The following PDE8B variants were observed in gnomAD, a reference collection of about 807,000 sequenced individuals.
PDE8B encodes phosphodiesterase 8B.
Under a neutral mutation model 101.3 loss-of-function variants are expected in PDE8B, and 26 were observed. The ratio of observed to expected loss-of-function variants is 0.26; its 90% confidence interval spans 0.19 to 0.36. PDE8B has a LOEUF of 0.36. PDE8B is among the 10% of genes least tolerant of loss of function. The pLI is 1.00. For missense variants in PDE8B, 810 were observed against 1,163.1 expected (o/e 0.70, Z 4.42); for synonymous variants, 424 against 429.3 (o/e 0.99, Z 0.15).
chr5:77,313,045 G>A (rs1024364302), intron 2 of PDE8B, among the ~76,000 whole-genome samples: 1 of 152,130 alleles, frequency 6.6e-6, no homozygotes, highest in Non-Finnish European at 1.5e-5. Flanking sequence ...ATCCTTATCT[G>A]CATATAAGCC....
chr5:77,417,736 G>C, intron 17 of PDE8B, among the ~76,000 whole-genome samples: 1 of 152,004 alleles, frequency 6.6e-6, no homozygotes, highest in Non-Finnish European at 1.5e-5. Context: ...TCTTTCCCTT[G>C]GTCTTCTTTT....
At chr5:77,397,211 G>A (rs1417886262) in intron 10 of PDE8B, among the ~76,000 whole-genome samples, 3 of 151,334 alleles carry the variant, frequency 2.0e-5, no homozygotes, top group East Asian at 3.9e-4. Context: ...TGTATTTTTG[G>A]TAGAGACAGG....
the PDE8B span, among the ~76,000 whole-genome samples, chr5:77,188,245 G>T: frequency 6.6e-6 from 1 of 152,114 alleles, no homozygotes; most frequent in African/African-American, 2.4e-5. Context: ...CCTGGCTTTC[G>T]ATGGAATGAT....
At chr5:77,391,631 A>G (rs1163023104) in intron 10 of PDE8B, among the ~76,000 whole-genome samples, 3 of 152,208 alleles carry the variant, frequency 2.0e-5, no homozygotes, top group East Asian at 3.8e-4. Context: ...CAGGATGTGC[A>G]TGTGCACCTG....
At position 77,210,908 on chromosome 5, in the gene PDE8B, G is replaced by T. The variant is rs1262660364; in HGVS notation, c.-18G>T. On this transcript the variant is annotated 5_prime_UTR_variant, in exon 1 of 22. Coordinates refer to ENST00000264917, the MANE Select transcript of PDE8B (RefSeq NM_003719.5). The surrounding 1 kb of genome is among the most constrained non-coding windows in gnomAD (Gnocchi z 4.9). ...GGCCGCGGGCGCGGGCGGGCGCGCGGGGGAGCCCGGCCGAGGGATGGGCTG... is the reference window on the plus strand; with the variant it reads ...GGCCGCGGGCGCGGGCGGGCGCGCGTGGGAGCCCGGCCGAGGGATGGGCTG... 2 of 1,348,128 alleles carry T rather than the reference G, an allele frequency of 1.5e-6. No homozygotes were observed. The highest frequency in any genetic ancestry group is 1.9e-5 in the South Asian group (1 of 51,946). The allele number at this position is 1,348,128 out of a possible 1,614,324, so 83.5% of individuals were successfully genotyped here.
At chr5:77,235,768 G>A (rs1183861785) in intron 1 of PDE8B, among the ~76,000 whole-genome samples, 3 of 151,460 alleles carry the variant, frequency 2.0e-5, no homozygotes, top group African/African-American at 4.9e-5. Context: ...TTGAAGTGGG[G>A]GCCTAATATG....
the PDE8B span, chr5:77,092,466 A>T: frequency 1.3e-5 from 2 of 152,164 alleles, no homozygotes; most frequent in African/African-American, 4.8e-5. Context: ...GTGTAACCAT[A>T]AATAAATAAC....
At position 77,246,050 on chromosome 5, in the gene PDE8B, T is replaced by C. The variant is rs532629020; in HGVS notation, c.339+34786T>C. On this transcript the variant is annotated intron_variant, in intron 1 of 21. Coordinates refer to ENST00000264917, the MANE Select transcript of PDE8B (RefSeq NM_003719.5). ...CATTTTTTGTAGAGATGGGTTCTTA[T>C]TATGTTGCCCAGGCTGGTCTTGAAT... 1.4e-4 allele frequency among the ~76,000 whole-genome samples: 22 copies of C among 151,934 alleles called. No individual in the cohort carries two copies. The South Asian group carries it at 2.1e-3, about 14-fold the overall frequency.
intron 1 of PDE8B, among the ~76,000 whole-genome samples, chr5:77,280,723 G>A (rs902088151): frequency 6.6e-6 from 1 of 152,060 alleles, no homozygotes; most frequent in African/African-American, 2.4e-5. Context: ...GTGAAACCCC[G>A]TCTCTACTGA....
At chr5:77,321,507 G>C (rs1775069343) in intron 2 of PDE8B, among the ~76,000 whole-genome samples, 1 of 152,110 alleles carries the variant, frequency 6.6e-6, no homozygotes, top group Non-Finnish European at 1.5e-5. Context: ...ATGTCTCTCT[G>C]TTCAAATTCC....
chr5:77,310,447 A>G (rs527823343), intron 1 of PDE8B, among the ~76,000 whole-genome samples: 3 of 152,338 alleles, frequency 2.0e-5, no homozygotes, highest in African/African-American at 7.2e-5. Flanking sequence ...TGGTGTCAGC[A>G]CCCACACCTT....
chr5:77,274,326 A>G (rs551755914), intron 1 of PDE8B, among the ~76,000 whole-genome samples: 75 of 152,348 alleles, frequency 4.9e-4, no homozygotes, highest in African/African-American at 1.6e-3. Context: ...CACACAGGTC[A>G]TCTGCGGCAG....
At chr5:77,358,144 A>C (rs948403425) in intron 10 of PDE8B, among the ~76,000 whole-genome samples, 31 of 152,208 alleles carry the variant, frequency 2.0e-4, no homozygotes, top group African/African-American at 7.0e-4. Context: ...CTTAGCACTA[A>C]CAGAGTCTAA....
chr5:77,249,961 A>G (rs1044138867), intron 1 of PDE8B, among the ~76,000 whole-genome samples: 2 of 152,226 alleles, frequency 1.3e-5, no homozygotes, highest in Non-Finnish European at 2.9e-5. Context: ...AGGTTTCTTC[A>G]GTTGGTCAGG....
At chr5:77,235,821 AAC>A (rs1754559074) in intron 1 of PDE8B, among the ~76,000 whole-genome samples, 4 of 151,880 alleles carry the variant, frequency 2.6e-5, no homozygotes, top group African/African-American at 9.7e-5. Context: ...CAGAAAAAAA[AAC>A]AAAACTAAAA....
chr5:77,205,951 G>A (rs143244842), upstream of PDE8B, among the ~76,000 whole-genome samples: 340 of 152,112 alleles, frequency 2.2e-3, no homozygotes, highest in African/African-American at 7.5e-3. Flanking sequence ...CAACAACTTT[G>A]TACAAATTAT....
In PDE8B at chr5:77,215,250, C is replaced by G. The variant is rs548273232; in HGVS notation, c.339+3986C>G. ...ACCACAACAGAAGTCTAAAGCAAGGCTGGATGTTACATGATACAGGCACAT... is the reference window on the plus strand; with the variant it reads ...ACCACAACAGAAGTCTAAAGCAAGGGTGGATGTTACATGATACAGGCACAT... On this transcript the variant is annotated intron_variant, in intron 1 of 21. Transcript: ENST00000264917. Among the ~76,000 whole-genome samples the G allele has an allele frequency of 2.6e-5, 4 of 152,282 alleles. No homozygotes were observed. The East Asian group carries it at 5.8e-4, about 22-fold the overall frequency.
At chr5:77,335,869 A>G (rs1778089340) in intron 5 of PDE8B, among the ~76,000 whole-genome samples, 1 of 152,154 alleles carries the variant, frequency 6.6e-6, no homozygotes, top group South Asian at 2.1e-4. Flanking sequence ...CTCTTCCCTT[A>G]CTATTTTTTA....
intron 1 of PDE8B, among the ~76,000 whole-genome samples, chr5:77,222,757 A>G (rs1751431539): frequency 6.6e-6 from 1 of 152,226 alleles, no homozygotes; most frequent in African/African-American, 2.4e-5. Flanking sequence ...GAGAGCATGA[A>G]GAACTGTGAG....
Sources: gnomAD v4.1 joint callset for allele counts (sites outside exome capture counted in the v4.1 genomes callset) on GRCh38, gnomAD v4.1.1 for gene constraint, Gnocchi (gnomAD v3.1) non-coding constraint, MANE v1.5 for transcripts, NCBI Gene and HGNC (gene_info 2026-07-23, HGNC 2026-07-21) for gene names.